Variants in CHODL observed in about 807,000 individuals in gnomAD.
The protein encoded by CHODL is chondrolectin, also known as transmembrane protein MT75.
CHODL carries 29 observed loss-of-function variants against 34.5 expected under a neutral mutation model. The observed-to-expected ratio is 0.84, with a 90% CI of 0.63 to 1.15. The LOEUF (loss-of-function observed/expected upper bound fraction) is 1.15. CHODL is among the 50% of genes most tolerant of loss of function. The pLI is 0.00. For missense variants in CHODL, 332 were observed against 332.5 expected, an observed-to-expected ratio of 1.00 and a Z score of 0.01; for synonymous variants, 125 against 116.1, an observed-to-expected ratio of 1.08 and a Z score of -0.49.
At chr21:18,035,945 C>T (rs1406977919) in intron 2 of CHODL, among the ~76,000 whole-genome samples, 1 of 151,956 alleles carries the variant, frequency 6.6e-6, no homozygotes, top group Non-Finnish European at 1.5e-5. Flanking sequence ...TTCTCTTCAT[C>T]CCACATCATA....
intron 2 of CHODL, among the ~76,000 whole-genome samples, chr21:18,040,326 C>T (rs574748503): frequency 1.3e-5 from 2 of 151,714 alleles, no homozygotes; most frequent in Non-Finnish European, 2.9e-5. Flanking sequence ...GAGAAGGAGA[C>T]GACATACAAA....
chr21:18,112,459 C>T (rs2065362410), intron 2 of CHODL, among the ~76,000 whole-genome samples: 1 of 151,816 alleles, frequency 6.6e-6, no homozygotes, highest in Non-Finnish European at 1.5e-5. Context: ...ATAGCCAAAG[C>T]TATCCTGAGC....
At chr21:17,923,531 G>A (rs1270436166) in intron 1 of CHODL, among the ~76,000 whole-genome samples, 4 of 144,936 alleles carry the variant, frequency 2.8e-5, no homozygotes, top group Non-Finnish European at 5.9e-5. Flanking sequence ...TCACAATCTC[G>A]GCTCACTGCA....
intron 1 of CHODL, among the ~76,000 whole-genome samples, chr21:17,939,295 A>G (rs1329215241): frequency 6.6e-6 from 1 of 152,106 alleles, no homozygotes; most frequent in Non-Finnish European, 1.5e-5. Flanking sequence ...GGATTTGACT[A>G]TTTTAGACAC....
intron 2 of CHODL, among the ~76,000 whole-genome samples, chr21:18,211,853 TTTTA>T (rs1017880295): frequency 2.0e-5 from 3 of 152,238 alleles, no homozygotes; most frequent in Admixed American, 1.3e-4. Flanking sequence ...AGTTGCATTT[TTTTA>T]TTTGTTTGTC....
rs750825804 is a variant in CHODL at position 18,245,238 on chromosome 21, C to A, written c.15C>A (p.Val5=). Residue 5 remains valine (V), a synonymous_variant, in exon 1 of 6, where the codon GTC becomes GTA. Coordinates refer to ENST00000299295, the MANE Select transcript of CHODL (RefSeq NM_024944.3). ...ACCGCGCCGCGATGAGCCGCGTGGTCTCGCTGCTGCTGGGCGCCGCGCTGC... is the reference window on the plus strand; with the variant it reads ...ACCGCGCCGCGATGAGCCGCGTGGTATCGCTGCTGCTGGGCGCCGCGCTGC... MSRV[V]SLLLGAALLC... The A allele has an allele frequency of 2.0e-6, 3 of 1,518,452 alleles. No individual in the cohort carries two copies. The highest frequency in any genetic ancestry group is 1.2e-5 in the South Asian group (1 of 82,992). 94.1% of individuals were successfully genotyped at this position (1,518,452 alleles called of 1,614,324 possible).
chr21:18,110,347 C>G (rs1335499476), intron 2 of CHODL, among the ~76,000 whole-genome samples: 1 of 152,132 alleles, frequency 6.6e-6, no homozygotes, highest in African/African-American at 2.4e-5. Context: ...TTTTCCTTCT[C>G]CTTGATTCTG....
At chr21:18,078,394 A>G (rs2064892585) in intron 2 of CHODL, among the ~76,000 whole-genome samples, 1 of 152,188 alleles carries the variant, frequency 6.6e-6, no homozygotes, top group Non-Finnish European at 1.5e-5. Context: ...ACCTGTCCCC[A>G]TGATTAAATT....
chr21:17,996,295 C>T (rs2824593), intron 1 of CHODL, among the ~76,000 whole-genome samples: 1 of 152,004 alleles, frequency 6.6e-6, no homozygotes, highest in Non-Finnish European at 1.5e-5. Context: ...AGTGAAGGTA[C>T]TCAACCAAGA....
chr21:18,208,926 C>T (rs2146719955), intron 2 of CHODL, among the ~76,000 whole-genome samples: 1 of 144,726 alleles, frequency 6.9e-6, no homozygotes, highest in South Asian at 2.4e-4. Flanking sequence ...GTTACACTAG[C>T]AGCTCTGTGG....
At chr21:18,115,876 T>G (rs916270995) in intron 2 of CHODL, among the ~76,000 whole-genome samples, 7 of 152,198 alleles carry the variant, frequency 4.6e-5, no homozygotes, top group African/African-American at 1.4e-4. Context: ...TTTCCCACTC[T>G]GCTACAACTG....
At chr21:18,184,373 A>G (rs1237388667) in intron 2 of CHODL, among the ~76,000 whole-genome samples, 1 of 152,212 alleles carries the variant, frequency 6.6e-6, no homozygotes, top group Admixed American at 6.5e-5. Flanking sequence ...ACTAAGTGAA[A>G]TTTAGACTGA....
chr21:18,247,112 G>T (rs2074150546), intron 1 of CHODL, among the ~76,000 whole-genome samples: 1 of 152,128 alleles, frequency 6.6e-6, no homozygotes, highest in African/African-American at 2.4e-5. Flanking sequence ...TTCTTAAAAA[G>T]ATATATTTTG....
intron 1 of CHODL, among the ~76,000 whole-genome samples, chr21:18,020,164 C>T (rs1431829167): frequency 6.6e-6 from 1 of 152,028 alleles, no homozygotes; most frequent in Non-Finnish European, 1.5e-5. Flanking sequence ...TCTATTTTCC[C>T]CGAAGAACCA....
Position 18,065,845 on chromosome 21 carries a change from TA to T in CHODL, c.-45+37881del, listed in dbSNP as rs984401421. 3.3e-5 allele frequency among the ~76,000 whole-genome samples: 5 copies of T among 152,234 alleles called. No individual in the cohort carries two copies. In the East Asian group the frequency reaches 5.8e-4, roughly 18 times the overall value. On this transcript the variant is annotated intron_variant, in intron 2 of 6. Transcript: ENST00000400127. ...GTTCGAGGGTATTAGGAAATGCATC[TA>T]AAAAAATGCTTTTAACAGGAATGCT...
intron 2 of CHODL, among the ~76,000 whole-genome samples, chr21:18,087,263 G>T (rs1214059687): frequency 6.6e-6 from 1 of 152,140 alleles, no homozygotes; most frequent in Non-Finnish European, 1.5e-5. Flanking sequence ...TTTCACAGGA[G>T]CCCATAGCAG....
intron 2 of CHODL, among the ~76,000 whole-genome samples, chr21:18,115,283 C>T (rs1277785297): frequency 1.3e-5 from 2 of 152,292 alleles, no homozygotes; most frequent in East Asian, 3.9e-4. Flanking sequence ...AGGATCCTGT[C>T]TGACTGATTC....
At chr21:18,211,362 A>T (rs897003630) in intron 2 of CHODL, among the ~76,000 whole-genome samples, 1 of 152,202 alleles carries the variant, frequency 6.6e-6, no homozygotes, top group African/African-American at 2.4e-5. Context: ...ACTGAACAGC[A>T]TATAGGTGAT....
chr21:18,015,920 CAT>C (rs2064068669), intron 1 of CHODL, among the ~76,000 whole-genome samples: 1 of 152,136 alleles, frequency 6.6e-6, no homozygotes, highest in African/African-American at 2.4e-5. Context: ...GCTTCTAAAA[CAT>C]ATGCTCGTTT....
Sources: gnomAD v4.1 joint callset for allele counts (sites outside exome capture counted in the v4.1 genomes callset) on GRCh38, gnomAD v4.1.1 for gene constraint, MANE v1.5 for transcripts, NCBI Gene and HGNC (gene_info 2026-07-23, HGNC 2026-07-21) for gene names.